ST18: variants seen among roughly 807,000 people sequenced by gnomAD.
The protein encoded by ST18 is suppression of tumorigenicity 18 protein.
ST18 carries 50 observed loss-of-function variants against 110.0 expected under a neutral mutation model. That is an observed-to-expected ratio of 0.45 (90% CI 0.36 to 0.58). The LOEUF is 0.58. ST18 is among the 20% of genes least tolerant of loss of function. The pLI is 0.00. For missense variants in ST18, 1,306 were observed against 1,280.1 expected (o/e 1.02, Z -0.31); for synonymous variants, 461 against 452.4 (o/e 1.02, Z -0.24).
At chr8:52,358,105 A>T (rs1303409174) in intron 2 of ST18, among the ~76,000 whole-genome samples, 1 of 151,980 alleles carries the variant, frequency 6.6e-6, no homozygotes, top group Non-Finnish European at 1.5e-5. Flanking sequence ...TTAACCAATC[A>T]GTGGGCCAAA....
chr8:52,378,511 T>G (rs529911557), intron 2 of ST18, among the ~76,000 whole-genome samples: 53 of 152,226 alleles, frequency 3.5e-4, no homozygotes, highest in Non-Finnish European at 5.1e-4. Context: ...AATAACGTGT[T>G]TTAATGTTCT....
chr8:52,113,114 G>T lies in ST18; in HGVS notation c.*84C>A, dbSNP rs1056552. The T allele has an allele frequency of 3.5e-3, 5,242 of 1,519,130 alleles. 165 individuals are homozygous for T. In the African/African-American group the frequency reaches 0.064, roughly 19 times the overall value. 94.1% of individuals were successfully genotyped at this position (1,519,130 alleles called of 1,614,324 possible). A position where few individuals can be genotyped will look rare whatever the true frequency, so the allele number is the denominator to read the frequency against. On this transcript the variant is annotated 3_prime_UTR_variant, in exon 26 of 26. Coordinates refer to ENST00000689386, the MANE Select transcript of ST18 (RefSeq NM_001352837.2). The stretch of plus-strand genomic sequence containing the variant: ...GTAAATGCAGTACGGCAACCTCCAC[G>T]CCTTAGCAGTACATGAACCTCTAAC...
intron 2 of ST18, among the ~76,000 whole-genome samples, chr8:52,330,088 G>T (rs1234309968): frequency 6.6e-6 from 1 of 152,190 alleles, no homozygotes; most frequent in Non-Finnish European, 1.5e-5. Context: ...CATTAAAAAT[G>T]ATCTTAAGAT....
intron 23 of ST18, among the ~76,000 whole-genome samples, chr8:52,119,661 T>C (rs1432706680): frequency 6.6e-6 from 1 of 152,188 alleles, no homozygotes; most frequent in African/African-American, 2.4e-5. Context: ...TACACAGCAG[T>C]GTTGCTCGCC....
intron 14 of ST18, among the ~76,000 whole-genome samples, chr8:52,160,125 T>A (rs1425327837): frequency 6.6e-6 from 1 of 152,218 alleles, no homozygotes; most frequent in African/African-American, 2.4e-5. Flanking sequence ...AATGCTCTTA[T>A]TAACTAGCTT....
rs565995837 is a variant in ST18 at position 52,234,349 on chromosome 8, C to G, written c.-464-4272G>C. 3.3e-5 allele frequency among the ~76,000 whole-genome samples: 5 copies of G among 152,220 alleles called. 1 individual carries two copies. In the South Asian group the frequency reaches 1.0e-3, roughly 32 times the overall value. Reference sequence around the variant, plus strand: ...GCTCAATCTCGGCTCACTGCAACCTCCGCCCCCCGGATTCAAGTGATTCTC... The same window carrying G: ...GCTCAATCTCGGCTCACTGCAACCTGCGCCCCCCGGATTCAAGTGATTCTC... On this transcript the variant is annotated intron_variant, in intron 2 of 25. Transcript: ENST00000689386.
intron 23 of ST18, among the ~76,000 whole-genome samples, chr8:52,124,464 G>C (rs889654531): frequency 1.3e-5 from 2 of 152,098 alleles, no homozygotes; most frequent in Non-Finnish European, 2.9e-5. Context: ...GTGAGCCACT[G>C]TTTCTGGCTG....
intron 2 of ST18, chr8:52,294,598 T>C (rs1323541810): frequency 6.6e-6 from 1 of 152,238 alleles, no homozygotes; most frequent in African/African-American, 2.4e-5. Context: ...TCCCTGACGA[T>C]ATTATTAGAG....
At chr8:52,175,081 G>A (rs796422878) in intron 9 of ST18, among the ~76,000 whole-genome samples, 31 of 152,156 alleles carry the variant, frequency 2.0e-4, no homozygotes, top group African/African-American at 5.5e-4. Context: ...TGATCCTGGC[G>A]GCCTCTCTTG....
At chr8:52,252,973 T>C (rs986147005) in intron 2 of ST18, among the ~76,000 whole-genome samples, 2 of 151,938 alleles carry the variant, frequency 1.3e-5, no homozygotes, top group Admixed American at 6.6e-5. Context: ...GGAACTTATT[T>C]ACTATTTCCC....
intron 2 of ST18, among the ~76,000 whole-genome samples, chr8:52,294,757 T>C (rs1284893638): frequency 6.6e-6 from 1 of 152,204 alleles, no homozygotes; most frequent in African/African-American, 2.4e-5. Flanking sequence ...AGGAGCACCA[T>C]AAAATTTGTC....
intron 22 of ST18, among the ~76,000 whole-genome samples, chr8:52,130,544 G>C (rs2049157991): frequency 6.6e-6 from 1 of 152,226 alleles, no homozygotes; most frequent in African/African-American, 2.4e-5. Flanking sequence ...GATGTGGTCA[G>C]ACAGATCTCC....
chr8:52,231,305 T>C (rs2091279412), intron 2 of ST18, among the ~76,000 whole-genome samples: 1 of 152,198 alleles, frequency 6.6e-6, no homozygotes, highest in South Asian at 2.1e-4. Flanking sequence ...CTCCTTTTAA[T>C]TCCAGAGGTA....
chr8:52,285,260 A>G (rs1030102710), intron 2 of ST18, among the ~76,000 whole-genome samples: 3 of 152,214 alleles, frequency 2.0e-5, no homozygotes, highest in African/African-American at 7.2e-5. Flanking sequence ...ACTAAAACCT[A>G]TGATCTTGGT....
intron 2 of ST18, among the ~76,000 whole-genome samples, chr8:52,304,000 G>T (rs542603504): frequency 7.5e-4 from 114 of 152,206 alleles, no homozygotes; most frequent in African/African-American, 2.6e-3. Flanking sequence ...AAGTATTTGG[G>T]GTGGTGGGGC....
rs541704477 is a variant in ST18, at chr8:52,115,787, A to AT, written c.3003+487dup. Among the ~76,000 whole-genome samples, 178 of 149,732 alleles carry AT rather than the reference A, an allele frequency of 1.2e-3. 1 individual carries two copies. Among genetic ancestry groups the AT allele is most frequent in the Middle Eastern group, 3.4e-3 (1 of 294 alleles). The stretch of plus-strand genomic sequence containing the variant: ...TTTTGAAAATGAGGATTCCTTGTTC[A>AT]TTTTTTTTTGCTTTTTATTTTATAT... On this transcript the variant is annotated intron_variant, in intron 25 of 25. Transcript: ENST00000689386.
intron 2 of ST18, among the ~76,000 whole-genome samples, chr8:52,245,261 T>C (rs553512549): frequency 6.6e-6 from 1 of 152,284 alleles, no homozygotes; most frequent in Non-Finnish European, 1.5e-5. Flanking sequence ...TTTTTTTTGT[T>C]TTCATATTCT....
chr8:52,335,109 C>T (rs1811435947), intron 2 of ST18, among the ~76,000 whole-genome samples: 1 of 151,776 alleles, frequency 6.6e-6, no homozygotes, highest in Admixed American at 6.6e-5. Flanking sequence ...TATTTTTTTC[C>T]CACCAGGCAA....
At chr8:52,317,585 T>C (rs1401993173) in intron 2 of ST18, among the ~76,000 whole-genome samples, 1 of 152,244 alleles carries the variant, frequency 6.6e-6, no homozygotes, top group African/African-American at 2.4e-5. Flanking sequence ...GACCTGACTG[T>C]TTCTCCCTAT....
Sources: allele counts gnomAD v4.1 joint callset (sites outside exome capture counted in the v4.1 genomes callset), GRCh38; gene constraint gnomAD v4.1.1; transcripts MANE v1.5; gene names NCBI Gene and HGNC (gene_info 2026-07-23, HGNC 2026-07-21).